Variants in DOCK8 observed in about 807,000 individuals in gnomAD.
The protein encoded by DOCK8 is dedicator of cytokinesis protein 8.
A neutral mutation model predicts 245.6 loss-of-function variants in DOCK8; 141 were observed. The observed-to-expected ratio is 0.57, with a 90% confidence interval of 0.50 to 0.66. The LOEUF is 0.66. DOCK8 is among the 30% of genes least tolerant of loss of function. DOCK8 has a pLI of 0.00. For synonymous variants in DOCK8, 1,168 were observed against 970.2 expected (o/e 1.20, Z -3.79); for missense variants, 2,965 against 2,603.4 (o/e 1.14, Z -3.02).
intron 26 of DOCK8, among the ~76,000 whole-genome samples, chr9:404,190 C>T (rs2055308702): frequency 6.6e-6 from 1 of 151,730 alleles, no homozygotes. Flanking sequence ...GCCTCTGAGT[C>T]TGGGTCTTTC....
At chr9:226,798 T>A (rs2046998463) in intron 1 of DOCK8, among the ~76,000 whole-genome samples, 1 of 152,168 alleles carries the variant, frequency 6.6e-6, no homozygotes, top group Non-Finnish European at 1.5e-5. Context: ...TATGCAGTTT[T>A]ATTTAGGAAT....
rs869312169 is a variant in DOCK8, at chr9:452,067, C to CT, written c.6019dup (p.Tyr2007LeufsTer12). 6.9e-6 allele frequency: 11 copies of CT among 1,597,160 alleles called. No homozygotes were observed. The highest frequency in any genetic ancestry group is 8.5e-6 in the Non-Finnish European group (10 of 1,171,390). On this transcript the variant is annotated frameshift_variant, in exon 46 of 48. Coordinates refer to ENST00000432829, the MANE Select transcript of DOCK8 (RefSeq NM_203447.4). LOFTEE classifies it high-confidence loss of function. Reference sequence around the variant, plus strand: ...CTGAAATTCCTGCTGATCCAAAACTCTATCGACATCACAACAAGTTGAGGT... The same window carrying CT: ...CTGAAATTCCTGCTGATCCAAAACTCTTATCGACATCACAACAAGTTGAGGT...
At chr9:401,236 A>G (rs1198073053) in intron 26 of DOCK8, among the ~76,000 whole-genome samples, 1 of 152,204 alleles carries the variant, frequency 6.6e-6, no homozygotes, top group Non-Finnish European at 1.5e-5. Flanking sequence ...GGGCTGATCA[A>G]CGAAAAGGAT....
intron 33 of DOCK8, among the ~76,000 whole-genome samples, chr9:424,343 A>G (rs1554702800): frequency 6.6e-6 from 1 of 152,102 alleles, no homozygotes; most frequent in Non-Finnish European, 1.5e-5. Context: ...AAAACTTCCC[A>G]GGTGATTCTA....
intron 4 of DOCK8, among the ~76,000 whole-genome samples, chr9:297,483 T>C (rs1260706195): frequency 6.6e-6 from 1 of 152,204 alleles, no homozygotes; most frequent in East Asian, 1.9e-4. Flanking sequence ...GTCGAGTTCA[T>C]TTCATGAGAA....
intron 14 of DOCK8, among the ~76,000 whole-genome samples, chr9:346,361 T>C (rs1012805163): frequency 2.0e-5 from 3 of 152,112 alleles, no homozygotes; most frequent in Non-Finnish European, 4.4e-5. Context: ...CAGCATGGGC[T>C]GAGGCCAAGG....
At chr9:407,175 T>A in intron 28 of DOCK8, 106 bp downstream of exon 28, 2 of 1,527,664 alleles carry the variant, frequency 1.3e-6, no homozygotes, top group South Asian at 1.2e-5. Flanking sequence ...TCTACTGTAG[T>A]TGACCAGTTC....
intron 1 of DOCK8, among the ~76,000 whole-genome samples, chr9:237,332 G>T (rs2047276264): frequency 6.6e-6 from 1 of 152,214 alleles, no homozygotes; most frequent in Non-Finnish European, 1.5e-5. Context: ...CAGAAAGATG[G>T]TAGGAAACAA....
chr9:350,416 A>G (rs980922130), intron 14 of DOCK8, among the ~76,000 whole-genome samples: 8 of 152,136 alleles, frequency 5.3e-5, no homozygotes, highest in Non-Finnish European at 1.2e-4. Flanking sequence ...TTACCTTTGC[A>G]TTTATTTCCT....
At chr9:431,252 G>T (rs769336381) in intron 36 of DOCK8, among the ~76,000 whole-genome samples, 1 of 152,112 alleles carries the variant, frequency 6.6e-6, no homozygotes, top group Admixed American at 6.6e-5. Context: ...GCTTTAGTTT[G>T]TCTAGATTTT....
rs1587135741 is a variant in DOCK8, at chr9:461,110, T to A, written c.6069-2407T>A. ...TTCTTCTTTGGTGTGTACCGTACCGTGCAGGAGACAGGGAAAACACCAGGT... is the reference window on the plus strand; with the variant it reads ...TTCTTCTTTGGTGTGTACCGTACCGAGCAGGAGACAGGGAAAACACCAGGT... On this transcript the variant is annotated intron_variant, in intron 46 of 47. Coordinates refer to ENST00000432829, the MANE Select transcript of DOCK8 (RefSeq NM_203447.4). Among the ~76,000 whole-genome samples the A allele has an allele frequency of 1.3e-5, 2 of 152,344 alleles. 1 individual carries two copies. Among genetic ancestry groups the A allele is most frequent in the Middle Eastern group, 6.8e-3 (2 of 294 alleles).
intron 14 of DOCK8, among the ~76,000 whole-genome samples, chr9:364,301 T>C (rs2052872771): frequency 6.6e-6 from 1 of 152,066 alleles, no homozygotes; most frequent in African/African-American, 2.4e-5. Context: ...TTTAGTGGCA[T>C]AAAAAAAGAT....
In DOCK8 at chr9:219,680, C is replaced by T. The variant is rs143604881; in HGVS notation, c.53+4651C>T. ...GGGAGGCCTAAGCTGGTAGATGGCT[C>T]GAGCCCAGGAGTTCGAGACCAGCCT... On this transcript the variant is annotated intron_variant, in intron 1 of 47. Coordinates refer to ENST00000432829, the MANE Select transcript of DOCK8 (RefSeq NM_203447.4). Among the ~76,000 whole-genome samples the T allele has an allele frequency of 8.9e-3, 1,349 of 151,948 alleles. 15 individuals are homozygous for T. Among genetic ancestry groups the T allele is most frequent in the African/African-American group, 0.031 (1,294 of 41,416 alleles).
intron 28 of DOCK8, among the ~76,000 whole-genome samples, chr9:412,235 C>G (rs2055765303): frequency 6.6e-6 from 1 of 152,004 alleles, no homozygotes; most frequent in Non-Finnish European, 1.5e-5. Context: ...AAAACGCCAT[C>G]TCTACAAGAA....
intron 1 of DOCK8, among the ~76,000 whole-genome samples, chr9:230,728 G>A (rs958026227): frequency 1.2e-4 from 18 of 151,664 alleles, no homozygotes; most frequent in East Asian, 1.2e-3. Flanking sequence ...CATATCCTTC[G>A]CCCACTTTTT....
intron 2 of DOCK8, among the ~76,000 whole-genome samples, chr9:273,387 A>T (rs1483646182): frequency 1.3e-5 from 2 of 152,238 alleles, no homozygotes; most frequent in Non-Finnish European, 1.5e-5. Context: ...AAGATAAATT[A>T]GATATGCTTA....
intron 25 of DOCK8, among the ~76,000 whole-genome samples, chr9:397,930 G>A (rs964654981): frequency 1.3e-5 from 2 of 152,118 alleles, no homozygotes. Context: ...GTTTAAAATT[G>A]TTTCAGAATA....
At chr9:332,020 G>C (rs12005494) in intron 9 of DOCK8, among the ~76,000 whole-genome samples, 28,857 of 152,008 alleles carry the variant, frequency 0.19, 2,987 homozygotes, top group Non-Finnish European at 0.22. Context: ...ATGTCTCCTG[G>C]GTTTTGTTTT....
At chr9:334,406 G>A in intron 11 of DOCK8, 22 bp downstream of exon 11, 1 of 1,609,618 alleles carries the variant, frequency 6.2e-7, no homozygotes, top group Non-Finnish European at 8.5e-7. Flanking sequence ...ACCTGCAGTG[G>A]GAAAGGGAGG....
Sources: allele counts gnomAD v4.1 joint callset (sites outside exome capture counted in the v4.1 genomes callset), GRCh38; gene constraint gnomAD v4.1.1; transcripts MANE v1.5; gene names NCBI Gene and HGNC (gene_info 2026-07-23, HGNC 2026-07-21).